Variants in FAM110B observed in about 807,000 individuals in gnomAD.
FAM110B encodes protein FAM110B.
Under a neutral mutation model 20.4 loss-of-function variants are expected in FAM110B, and 6 were observed. The observed-to-expected ratio is 0.29, with a 90% confidence interval of 0.16 to 0.58. FAM110B has a LOEUF of 0.58. Ranked by LOEUF, FAM110B falls within the 20% of genes least tolerant of loss-of-function variation. The pLI is 0.90. For missense variants in FAM110B, 434 were observed against 498.2 expected, an observed-to-expected ratio of 0.87 and a Z score of 1.23; for synonymous variants, 226 against 214.1, an observed-to-expected ratio of 1.06 and a Z score of -0.49.
At chr8:58,016,549 C>T (rs774583342) in intron 1 of FAM110B, among the ~76,000 whole-genome samples, 1 of 152,182 alleles carries the variant, frequency 6.6e-6, no homozygotes, top group Non-Finnish European at 1.5e-5. Context: ...CCTATCCTGG[C>T]GCTGCTTGGT....
intron 2 of FAM110B, among the ~76,000 whole-genome samples, chr8:58,063,368 G>C (rs1037212377): frequency 2.0e-5 from 3 of 152,192 alleles, no homozygotes; most frequent in South Asian, 2.1e-4. Flanking sequence ...AACTATTGAT[G>C]CTGTAGCATT....
chr8:58,014,002 C>T (rs1002621650), intron 1 of FAM110B, among the ~76,000 whole-genome samples: 1 of 152,152 alleles, frequency 6.6e-6, no homozygotes, highest in African/African-American at 2.4e-5. Context: ...ATTGACTGTG[C>T]ACTAAGACGT....
intron 3 of FAM110B, among the ~76,000 whole-genome samples, chr8:58,103,002 G>GAAAAAAAAAA (rs60027491): frequency 1.0e-5 from 1 of 99,302 alleles, no homozygotes; most frequent in African/African-American, 3.4e-5. Flanking sequence ...TGCTTGTTAT[G>GAAAAAAAAAA]AAAAAAAAAA....
chr8:58,112,506 T>G (rs921395169), intron 3 of FAM110B, among the ~76,000 whole-genome samples: 13 of 152,218 alleles, frequency 8.5e-5, no homozygotes, highest in Admixed American at 5.9e-4. Flanking sequence ...TTTGTAACAT[T>G]AGTAACAACC....
intron 2 of FAM110B, chr8:58,032,280 G>C (rs1162270353): frequency 6.6e-6 from 1 of 152,218 alleles, no homozygotes; most frequent in Admixed American, 6.5e-5. Context: ...AACAGAAACA[G>C]TGTACTGTTC....
At chr8:58,107,674 C>T (rs1057115470) in intron 3 of FAM110B, among the ~76,000 whole-genome samples, 2 of 152,182 alleles carry the variant, frequency 1.3e-5, no homozygotes, top group Admixed American at 6.5e-5. Context: ...ATAAGCGCCT[C>T]TGGATTATTT....
At chr8:58,005,137 C>A (rs1804374041) in intron 1 of FAM110B, among the ~76,000 whole-genome samples, 1 of 152,186 alleles carries the variant, frequency 6.6e-6, no homozygotes, top group African/African-American at 2.4e-5. Flanking sequence ...ATGTGTGACT[C>A]TTCCCTTCAC....
intron 2 of FAM110B, among the ~76,000 whole-genome samples, chr8:58,048,533 A>G (rs2150579728): frequency 6.6e-6 from 1 of 152,276 alleles, no homozygotes; most frequent in Middle Eastern, 3.4e-3. Context: ...AGTTGTGGTG[A>G]AAAACATGAT....
At chr8:58,105,556 ATTTTTTTTTTTTTT>A (rs71557704) in intron 3 of FAM110B, among the ~76,000 whole-genome samples, 9 of 94,634 alleles carry the variant, frequency 9.5e-5, no homozygotes, top group African/African-American at 3.5e-4. Context: ...GAATGAATGA[ATTTTTTTTTTTTTT>A]TTTTTTTTTT....
chr8:58,125,791 G>A (rs1327792867), intron 3 of FAM110B, among the ~76,000 whole-genome samples: 3 of 152,070 alleles, frequency 2.0e-5, no homozygotes, highest in African/African-American at 7.2e-5. Flanking sequence ...TATTTGGGAA[G>A]CAGATTATGG....
intron 3 of FAM110B, among the ~76,000 whole-genome samples, chr8:58,105,537 T>G (rs1226387220): frequency 2.8e-5 from 4 of 145,204 alleles, no homozygotes; most frequent in African/African-American, 1.0e-4. Flanking sequence ...TGTCTGAAAA[T>G]GAATGAATGA....
intron 1 of FAM110B, among the ~76,000 whole-genome samples, chr8:58,016,147 C>G (rs547094968): frequency 3.3e-5 from 5 of 152,310 alleles, no homozygotes; most frequent in Non-Finnish European, 7.3e-5. Context: ...GGAACACATG[C>G]TCTCATTGCC....
intron 3 of FAM110B, among the ~76,000 whole-genome samples, chr8:58,090,021 C>T (rs191583577): frequency 6.6e-6 from 1 of 152,312 alleles, no homozygotes; most frequent in East Asian, 1.9e-4. Flanking sequence ...CCTCTGCCAC[C>T]CCTCAGACAA....
intron 2 of FAM110B, among the ~76,000 whole-genome samples, chr8:58,061,923 A>G (rs1335051020): frequency 6.6e-6 from 1 of 152,250 alleles, no homozygotes; most frequent in Non-Finnish European, 1.5e-5. Flanking sequence ...CAAGAAAGAG[A>G]AAGAACCTTA....
intron 3 of FAM110B, among the ~76,000 whole-genome samples, chr8:58,114,050 C>G (rs1807132954): frequency 1.3e-5 from 2 of 152,196 alleles, no homozygotes; most frequent in African/African-American, 2.4e-5. Context: ...TAGGTTTGCT[C>G]TAGCTTAACC....
rs562159064 is a variant in FAM110B at position 58,117,719 on chromosome 8, G to C, written c.-324-28188G>C. On this transcript the variant is annotated intron_variant, in intron 3 of 3. Transcript: ENST00000519262. Reference sequence around the variant, plus strand: ...TTGCAAAATGCCTTAGAGTGGTTCTGGCACATAGTAAGCACGGTCTGAGTG... The same window carrying C: ...TTGCAAAATGCCTTAGAGTGGTTCTCGCACATAGTAAGCACGGTCTGAGTG... Among the ~76,000 whole-genome samples the C allele has an allele frequency of 3.3e-5, 5 of 152,164 alleles. No individual in the cohort carries two copies. In the East Asian group the frequency reaches 7.7e-4, roughly 24 times the overall value.
intron 3 of FAM110B, among the ~76,000 whole-genome samples, chr8:58,084,731 C>T (rs1446622151): frequency 6.6e-6 from 1 of 151,956 alleles, no homozygotes; most frequent in Non-Finnish European, 1.5e-5. Context: ...GAAGTCTTAC[C>T]ACCATGTACA....
chr8:58,145,713 C>T (rs1262493488), intron 3 of FAM110B, among the ~76,000 whole-genome samples, 194 bp from the exon 4 acceptor site: 7 of 152,246 alleles, frequency 4.6e-5, no homozygotes, highest in South Asian at 2.1e-4. Context: ...CGTTGTGCTG[C>T]CGCGCGTCGG....
chr8:58,091,195 C>T (rs908685968), intron 3 of FAM110B, among the ~76,000 whole-genome samples: 5 of 152,236 alleles, frequency 3.3e-5, no homozygotes, highest in Non-Finnish European at 7.3e-5. Context: ...ATACTCCTCT[C>T]TTCAGCTGGG....
Sources: allele counts gnomAD v4.1 joint callset (sites outside exome capture counted in the v4.1 genomes callset), GRCh38; gene constraint gnomAD v4.1.1; transcripts MANE v1.5; gene names NCBI Gene and HGNC (gene_info 2026-07-23, HGNC 2026-07-21).